Variants in H2BC4 observed in about 807,000 individuals in gnomAD.
The protein encoded by H2BC4 is histone H2B type 1-C/E/F/G/I.
A neutral mutation model predicts 6.2 loss-of-function variants in H2BC4; 10 were observed. The observed-to-expected ratio is 1.61, with a 90% CI of 0.99 to 2.73. H2BC4 has a LOEUF of 2.73. Ranked by LOEUF, H2BC4 falls within the 30% of genes most tolerant of loss-of-function variation. The pLI, the probability that H2BC4 is intolerant of heterozygous loss-of-function variation, is 0.00. For missense variants in H2BC4, 176 were observed against 168.7 expected (o/e 1.04, Z -0.24); for synonymous variants, 146 against 70.7 (o/e 2.07, Z -5.35).
chr6:26,116,510 T>A (rs929910040), intron 1 of H2BC4, among the ~76,000 whole-genome samples: 1 of 151,728 alleles, frequency 6.6e-6, no homozygotes, highest in Non-Finnish European at 1.5e-5. Context: ...CTGGGCAACA[T>A]AGTAAGACCC....
Position 26,123,659 on chromosome 6 carries a change from C to A in H2BC4, c.246G>T (p.Ala82=), listed in dbSNP as rs765570979. The part of the protein sequence containing the change: ...ERIAGEASRL[A]HYNKRSTITS... The stretch of plus-strand genomic sequence containing the variant: ...TGATGGTCGAGCGCTTGTTGTAATG[C>A]GCCAGGCGGGAAGCCTCGCCCGCGA... The change falls in exon 1 of 1, where the codon GCG becomes GCT. Residue 82 remains alanine (A), a synonymous_variant. Coordinates refer to ENST00000396984, the MANE Select transcript of H2BC4 (RefSeq NM_003526.3). 5.6e-6 allele frequency: 9 copies of A among 1,614,134 alleles called. No individual in the cohort carries two copies. Among genetic ancestry groups the A allele is most frequent in the Non-Finnish European group, 7.6e-6 (9 of 1,180,048 alleles).
At chr6:26,121,141 G>A (rs1287243605), downstream of H2BC4, among the ~76,000 whole-genome samples, 1 of 152,138 alleles carries the variant, frequency 6.6e-6, no homozygotes, top group East Asian at 1.9e-4. Context: ...AAGTCAGAAA[G>A]AAAAACACCA....
At chr6:26,122,279 T>C (rs1763509130), downstream of H2BC4, among the ~76,000 whole-genome samples, 1 of 152,196 alleles carries the variant, frequency 6.6e-6, no homozygotes, top group Admixed American at 6.5e-5. Flanking sequence ...GTTAAATAAC[T>C]GTAACCTAAA....
At chr6:26,120,463 G>A (rs902358185), downstream of H2BC4, among the ~76,000 whole-genome samples, 4 of 151,432 alleles carry the variant, frequency 2.6e-5, no homozygotes, top group Admixed American at 2.0e-4. Context: ...AAAAAAAAAA[G>A]ATAGTCTCAA....
At chr6:26,117,742 A>C (rs912670055) in intron 1 of H2BC4, among the ~76,000 whole-genome samples, 2 of 152,244 alleles carry the variant, frequency 1.3e-5, no homozygotes, top group African/African-American at 4.8e-5. Flanking sequence ...GACTGATTTC[A>C]CTCAACAAAG....
Position 26,117,170 on chromosome 6 carries a change from G to A in H2BC4, c.*10-2035C>T, listed in dbSNP as rs183784741. Among the ~76,000 whole-genome samples the A allele has an allele frequency of 4.6e-5, 7 of 152,162 alleles. No homozygotes were observed. In the East Asian group the frequency reaches 1.4e-3, roughly 29 times the overall value. ...CCGGTAAACATACTATGATCAACTG[G>A]CATTTTCATATCAAATAATTTATGA... On this transcript the variant is annotated intron_variant, in intron 1 of 1. Transcript: ENST00000314332.
chr6:26,113,379 G>C (rs1341912872), downstream of H2BC4, among the ~76,000 whole-genome samples: 1 of 152,224 alleles, frequency 6.6e-6, no homozygotes, highest in Non-Finnish European at 1.5e-5. Flanking sequence ...ACATGGGTAA[G>C]TTGTTAGATC....
At chr6:26,122,748 C>T (rs1470361492), downstream of H2BC4, among the ~76,000 whole-genome samples, 1 of 152,212 alleles carries the variant, frequency 6.6e-6, no homozygotes, top group African/African-American at 2.4e-5. Flanking sequence ...AAGTTTCAAT[C>T]AGGCAACACA....
intron 1 of H2BC4, among the ~76,000 whole-genome samples, chr6:26,116,158 T>C (rs1763416541): frequency 1.3e-5 from 2 of 152,290 alleles, no homozygotes; most frequent in African/African-American, 2.4e-5. Context: ...TTACCACAGG[T>C]AGCCTCCTCT....
intron 1 of H2BC4, among the ~76,000 whole-genome samples, chr6:26,116,571 C>T (rs1763423202): frequency 6.6e-6 from 1 of 151,910 alleles, no homozygotes; most frequent in Admixed American, 6.6e-5. Flanking sequence ...GTGGTGTGCA[C>T]CTGCTGTGGT....
Position 26,123,485 on chromosome 6 carries a change from G to A in H2BC4, c.*39C>T, listed in dbSNP as rs368906030. 14 of 1,612,840 alleles carry A rather than the reference G, an allele frequency of 8.7e-6. No homozygotes were observed. The highest frequency in any genetic ancestry group is 2.7e-5 in the African/African-American group (2 of 74,766). Reference sequence around the variant, plus strand: ...GGGTATCTGGGTGGCTCTTAAAAGAGCCTTTGGGGTTAGGTGTTAAGACGC... The same window carrying A: ...GGGTATCTGGGTGGCTCTTAAAAGAACCTTTGGGGTTAGGTGTTAAGACGC... On this transcript the variant is annotated 3_prime_UTR_variant, in exon 1 of 1. Transcript: ENST00000396984.
intron 1 of H2BC4, among the ~76,000 whole-genome samples, chr6:26,116,196 G>A (rs707896): frequency 0.18 from 27,217 of 152,084 alleles, 2,668 homozygotes; most frequent in African/African-American, 0.23. Flanking sequence ...CATAGAATGA[G>A]AGAAGCCCCA....
downstream of H2BC4, chr6:26,123,206 G>A (rs1763531545): frequency 2.5e-6 from 1 of 399,892 alleles, no homozygotes; most frequent in South Asian, 3.2e-5. Context: ...ACAGACAGCT[G>A]GGTCTGAAAC....
Position 26,123,770 on chromosome 6 carries a change from C to A in H2BC4, c.135G>T (p.Val45=). The A allele has an allele frequency of 6.2e-7, 1 of 1,614,266 alleles. No homozygotes were observed. Among genetic ancestry groups the A allele is most frequent in the Non-Finnish European group, 8.5e-7 (1 of 1,180,046 alleles). ...KESYSVYVYK[V]LKQVHPDTGI... is the part of the protein sequence containing the mutation. ...CAGTGTCGGGATGGACCTGTTTCAGCACCTTGTACACGTACACAGAGTAAC... is the reference window on the plus strand; with the variant it reads ...CAGTGTCGGGATGGACCTGTTTCAGAACCTTGTACACGTACACAGAGTAAC... Residue 45 remains valine, a synonymous_variant, in exon 1 of 1, where the codon GTG becomes GTT. Transcript: ENST00000396984.
Position 26,123,510 on chromosome 6 carries a change from C to A in H2BC4, c.*14G>T, listed in dbSNP as rs372665363. ...GCCTTTGGGGTTAGGTGTTAAGACG[C>A]TTACTTGGAATGTTTACTTGGAGCT... On this transcript the variant is annotated 3_prime_UTR_variant, in exon 1 of 1. Coordinates refer to ENST00000396984, the MANE Select transcript of H2BC4 (RefSeq NM_003526.3). 6.2e-7 allele frequency: 1 copy of A among 1,614,224 alleles called. No individual in the cohort carries two copies. Among genetic ancestry groups the A allele is most frequent in the Non-Finnish European group, 8.5e-7 (1 of 1,180,034 alleles).
downstream of H2BC4, among the ~76,000 whole-genome samples, chr6:26,122,958 C>G (rs998661605): frequency 3.9e-5 from 6 of 152,114 alleles, no homozygotes; most frequent in African/African-American, 1.4e-4. Flanking sequence ...AGTTGGAAAC[C>G]CAGGAGACAC....
At chr6:26,114,542 C>A (rs923330768), downstream of H2BC4, among the ~76,000 whole-genome samples, 1 of 151,926 alleles carries the variant, frequency 6.6e-6, no homozygotes, top group Non-Finnish European at 1.5e-5. Context: ...ATGTTAAGAA[C>A]CTTAGAAAAT....
intron 1 of H2BC4, among the ~76,000 whole-genome samples, chr6:26,117,557 G>C (rs898788577): frequency 5.9e-5 from 9 of 152,076 alleles, no homozygotes; most frequent in Admixed American, 5.2e-4. Flanking sequence ...ATGATACCAC[G>C]TCTGGAACTA....
downstream of H2BC4, among the ~76,000 whole-genome samples, chr6:26,122,453 T>C (rs1431644901): frequency 6.6e-6 from 1 of 152,202 alleles, no homozygotes; most frequent in Non-Finnish European, 1.5e-5. Flanking sequence ...CTTAAAATCT[T>C]TACCTGGAAA....
Sources: gnomAD v4.1 joint callset for allele counts (sites outside exome capture counted in the v4.1 genomes callset) on GRCh38, gnomAD v4.1.1 for gene constraint, MANE v1.5 for transcripts, NCBI Gene and HGNC (gene_info 2026-07-23, HGNC 2026-07-21) for gene names.